Variants in KAZN observed in about 807,000 individuals in gnomAD.
KAZN encodes kazrin, periplakin interacting protein, also known as kazrin.
A neutral mutation model predicts 87.4 loss-of-function variants in KAZN; 40 were observed. The ratio of observed to expected loss-of-function variants is 0.46; its 90% CI spans 0.36 to 0.60. KAZN has a LOEUF of 0.60. KAZN is among the 20% of genes least tolerant of loss of function. The pLI is 0.00. For synonymous variants in KAZN, 466 were observed against 458.3 expected, an observed-to-expected ratio of 1.02 and a Z score of -0.22; for missense variants, 898 against 1,073.9, an observed-to-expected ratio of 0.84 and a Z score of 2.29.
intron 1 of KAZN, among the ~76,000 whole-genome samples, chr1:14,776,650 C>T (rs899809865): frequency 5.9e-5 from 9 of 152,128 alleles, no homozygotes; most frequent in South Asian, 2.1e-4. Context: ...CTTTTTGGGC[C>T]GGGCGCAGTG....
At chr1:14,203,446 T>G (rs752585882) in intron 2 of KAZN, among the ~76,000 whole-genome samples, 8 of 152,198 alleles carry the variant, frequency 5.3e-5, no homozygotes, top group Non-Finnish European at 1.2e-4. Flanking sequence ...TCTTTTAAAA[T>G]TGTATTAATT....
chr1:14,669,102 GAC>G (rs1639754838), intron 1 of KAZN, among the ~76,000 whole-genome samples: 1 of 152,210 alleles, frequency 6.6e-6, no homozygotes, highest in Non-Finnish European at 1.5e-5. Flanking sequence ...GGAAACTGAA[GAC>G]ACAGAGTGGG....
intron 1 of KAZN, among the ~76,000 whole-genome samples, chr1:14,882,808 TATTTC>T (rs1653483896): frequency 6.6e-6 from 1 of 152,084 alleles, no homozygotes; most frequent in Non-Finnish European, 1.5e-5. Flanking sequence ...TTCCATGGAT[TATTTC>T]ATTTAAGTCT....
chr1:14,762,340 A>T (rs1195689046), intron 1 of KAZN, among the ~76,000 whole-genome samples: 2 of 152,160 alleles, frequency 1.3e-5, no homozygotes, highest in Non-Finnish European at 2.9e-5. Flanking sequence ...GTAGCCATGA[A>T]GGAGGAAGGT....
chr1:14,417,346 CA>C (rs1664878527), intron 2 of KAZN, among the ~76,000 whole-genome samples: 1 of 152,172 alleles, frequency 6.6e-6, no homozygotes, highest in East Asian at 1.9e-4. Context: ...TTATCGAGAG[CA>C]AAAGTGTTAC....
chr1:14,419,514 C>T (rs1665179470), intron 2 of KAZN, among the ~76,000 whole-genome samples: 1 of 152,172 alleles, frequency 6.6e-6, no homozygotes, highest in Non-Finnish European at 1.5e-5. Flanking sequence ...GGCCAGTTCC[C>T]TCTGTGTGGG....
At chr1:14,578,794 G>C (rs191644422) in intron 2 of KAZN, among the ~76,000 whole-genome samples, 50 of 152,128 alleles carry the variant, frequency 3.3e-4, no homozygotes, top group Non-Finnish European at 6.6e-4. Flanking sequence ...TTTTAAATCA[G>C]CTTCTGGTTA....
chr1:15,095,468 C>T (rs964352643), intron 10 of KAZN, among the ~76,000 whole-genome samples: 1 of 152,032 alleles, frequency 6.6e-6, no homozygotes, highest in African/African-American at 2.4e-5. Context: ...ATCAGGTGTA[C>T]CCCCGCAGGC....
intron 2 of KAZN, among the ~76,000 whole-genome samples, chr1:14,397,480 C>A (rs1308572808): frequency 6.6e-6 from 1 of 152,132 alleles, no homozygotes; most frequent in Admixed American, 6.5e-5. Context: ...CCAAACATGA[C>A]ATTGAGTGTT....
intron 1 of KAZN, among the ~76,000 whole-genome samples, chr1:14,113,450 C>A (rs537415171): frequency 6.6e-5 from 10 of 152,272 alleles, no homozygotes; most frequent in African/African-American, 2.2e-4. Flanking sequence ...TGCAGGCGTA[C>A]AATTAGCCCA....
intron 1 of KAZN, among the ~76,000 whole-genome samples, chr1:13,923,112 T>C (rs1014106088): frequency 2.0e-5 from 3 of 152,292 alleles, no homozygotes; most frequent in Middle Eastern, 3.4e-3. Context: ...TGTATAACTT[T>C]TGGCTTTCCA....
chr1:14,601,184 C>T (rs1366993189), intron 1 of KAZN, among the ~76,000 whole-genome samples: 2 of 152,170 alleles, frequency 1.3e-5, no homozygotes, highest in Admixed American at 1.3e-4. Context: ...CTTGATTTCT[C>T]CTCTTTGTAC....
chr1:14,358,107 G>T (rs1255613185), intron 2 of KAZN, among the ~76,000 whole-genome samples: 1 of 152,166 alleles, frequency 6.6e-6, no homozygotes, highest in African/African-American at 2.4e-5. Flanking sequence ...GCTTGTTATT[G>T]GTCTATTCAG....
intron 3 of KAZN, among the ~76,000 whole-genome samples, chr1:15,041,825 G>A (rs1264524719): frequency 6.6e-6 from 1 of 152,070 alleles, no homozygotes; most frequent in African/African-American, 2.4e-5. Flanking sequence ...TCCTGCCTCA[G>A]GTACCAGCAG....
At chr1:13,931,485 T>A (rs895586600) in intron 1 of KAZN, among the ~76,000 whole-genome samples, 1 of 151,894 alleles carries the variant, frequency 6.6e-6, no homozygotes, top group African/African-American at 2.4e-5. Context: ...TGTGTGTGCA[T>A]GCATGTGTGT....
rs140444347 is a variant in KAZN at position 14,090,207 on chromosome 1, T to A, written c.92-90228T>A. On this transcript the variant is annotated intron_variant, in intron 1 of 16. Transcript: ENST00000636203. Reference sequence around the variant, plus strand: ...TAGCCATTATTTATTTAAATGTTCCTTCCCTCATCCCCCTCTGGCTTTTCT... The same window carrying A: ...TAGCCATTATTTATTTAAATGTTCCATCCCTCATCCCCCTCTGGCTTTTCT... Among the ~76,000 whole-genome samples the A allele has an allele frequency of 2.0e-5, 3 of 152,302 alleles. No individual in the cohort carries two copies. In the East Asian group the frequency reaches 5.8e-4, roughly 29 times the overall value.
At chr1:14,434,096 C>T (rs957321429) in intron 2 of KAZN, among the ~76,000 whole-genome samples, 1 of 152,172 alleles carries the variant, frequency 6.6e-6, no homozygotes, top group East Asian at 1.9e-4. Context: ...GTTGTGGCTG[C>T]CCAAATAGAT....
At position 14,592,115 on chromosome 1, in the gene KAZN, G is replaced by A. The variant is rs138338765; in HGVS notation, c.250-6868G>A. On this transcript the variant is annotated intron_variant, in intron 2 of 16. Transcript: ENST00000636203. ...TGTTGCCCTTTTCCCCAGAGCACAT[G>A]TTAAAACCCACTCAGACAAAGTAAA... Among the ~76,000 whole-genome samples, 12 of 152,218 alleles carry A rather than the reference G, an allele frequency of 7.9e-5. No homozygotes were observed. The East Asian group carries it at 2.1e-3, about 27-fold the overall frequency.
chr1:14,388,212 T>TCTGG (rs1259114180), intron 2 of KAZN, among the ~76,000 whole-genome samples: 1 of 152,190 alleles, frequency 6.6e-6, no homozygotes, highest in East Asian at 1.9e-4. Context: ...GCGCCCACTG[T>TCTGG]CTGGCACTCC....
Sources: allele counts gnomAD v4.1 joint callset (sites outside exome capture counted in the v4.1 genomes callset), GRCh38; gene constraint gnomAD v4.1.1; transcripts MANE v1.5; gene names NCBI Gene and HGNC (gene_info 2026-07-23, HGNC 2026-07-21).